The following GPR63 variants were observed in gnomAD, a reference collection of about 807,000 sequenced individuals.
GPR63 encodes the protein G protein-coupled receptor 63.
A neutral mutation model predicts 23.1 loss-of-function variants in GPR63; 12 were observed. That is an observed-to-expected ratio of 0.52 (90% CI 0.33 to 0.84). GPR63 has a LOEUF of 0.84. Among genes scored for constraint, GPR63 ranks in the 40% least tolerant of loss-of-function variants. The pLI is 0.02. For synonymous variants in GPR63, 172 were observed against 191.1 expected, an observed-to-expected ratio of 0.90 and a Z score of 0.82; for missense variants, 472 against 515.6, an observed-to-expected ratio of 0.92 and a Z score of 0.82.
At chr6:96,808,787 T>C (rs911741217) in intron 1 of GPR63, among the ~76,000 whole-genome samples, 1 of 152,138 alleles carries the variant, frequency 6.6e-6, no homozygotes, top group African/African-American at 2.4e-5. Context: ...ATTTTATTAT[T>C]ATGATACTTT....
intron 1 of GPR63, among the ~76,000 whole-genome samples, chr6:96,802,776 T>C (rs183896861): frequency 6.6e-6 from 1 of 151,980 alleles, no homozygotes; most frequent in Non-Finnish European, 1.5e-5. Flanking sequence ...TTTTAATGTT[T>C]TAAGGCAAAA....
intron 1 of GPR63, among the ~76,000 whole-genome samples, chr6:96,803,031 C>T (rs1254935720): frequency 1.3e-5 from 2 of 152,112 alleles, no homozygotes; most frequent in East Asian, 1.9e-4. Context: ...CATGAAAGCA[C>T]GTATCTCCAT....
Position 96,798,975 on chromosome 6 carries a change from T to A in GPR63, c.757A>T (p.Ile253Leu), listed in dbSNP as rs747740294. 1.2e-6 allele frequency: 2 copies of A among 1,614,020 alleles called. No homozygotes were observed. The change falls in exon 2 of 2, where the codon ATA (isoleucine) becomes TTA (leucine). Residue 253 changes from isoleucine (I) to leucine (L), a missense_variant. Physicochemically the swap from Ile to Leu is conservative, Grantham distance 5. Transcript: ENST00000229955. ...GAGTACAGTATTACCAGGAAGGGTATGAAGAAAGAAATGAGAGAAATCAAA... is the reference window on the plus strand; with the variant it reads ...GAGTACAGTATTACCAGGAAGGGTAAGAAGAAAGAAATGAGAGAAATCAAA... ...VILISLISFFIPFLVILYSFM... is the reference protein window; with the variant it reads ...VILISLISFFLPFLVILYSFM...
intron 1 of GPR63, among the ~76,000 whole-genome samples, chr6:96,811,832 C>T (rs1039003653): frequency 2.2e-5 from 3 of 136,866 alleles, no homozygotes; most frequent in African/African-American, 8.3e-5. Flanking sequence ...AACTTTATTT[C>T]ATTAAAAATA....
chr6:96,818,678 A>T (rs561495304), intron 1 of GPR63, among the ~76,000 whole-genome samples: 2 of 152,292 alleles, frequency 1.3e-5, no homozygotes, highest in African/African-American at 2.4e-5. Context: ...ATGTTTTGAA[A>T]TTTTTTTCAA....
intron 1 of GPR63, among the ~76,000 whole-genome samples, chr6:96,803,854 T>C (rs62413029): frequency 1.3e-5 from 2 of 152,242 alleles, no homozygotes; most frequent in Non-Finnish European, 2.9e-5. Flanking sequence ...ACAGGAGTCT[T>C]AATGTTAAAT....
intron 1 of GPR63, among the ~76,000 whole-genome samples, chr6:96,809,402 CATT>C (rs1773983001): frequency 6.6e-6 from 1 of 152,102 alleles, no homozygotes; most frequent in South Asian, 2.1e-4. Flanking sequence ...GAAAGAAACT[CATT>C]ATACAAAATT....
intron 1 of GPR63, among the ~76,000 whole-genome samples, chr6:96,810,755 G>C (rs1242541345): frequency 6.6e-6 from 1 of 152,168 alleles, no homozygotes; most frequent in Non-Finnish European, 1.5e-5. Context: ...TAGACAAACA[G>C]ACCAAACGGA....
At chr6:96,835,608 G>A (rs180768786) in intron 1 of GPR63, among the ~76,000 whole-genome samples, 2 of 152,228 alleles carry the variant, frequency 1.3e-5, no homozygotes, top group Admixed American at 6.5e-5. Flanking sequence ...TAACTACATA[G>A]GGGTTTTAGT....
intron 1 of GPR63, among the ~76,000 whole-genome samples, chr6:96,822,577 A>C (rs1363816423): frequency 6.6e-6 from 1 of 152,158 alleles, no homozygotes; most frequent in Non-Finnish European, 1.5e-5. Flanking sequence ...TACTATATAA[A>C]TCTTTGGCAT....
intron 1 of GPR63, among the ~76,000 whole-genome samples, chr6:96,813,411 T>G (rs1173734831): frequency 6.6e-6 from 1 of 152,196 alleles, no homozygotes; most frequent in Non-Finnish European, 1.5e-5. Flanking sequence ...TAGAGAAAAC[T>G]CCATACTGAC....
At position 96,796,768 on chromosome 6, in the gene GPR63, A is replaced by C. The variant is rs965413432; in HGVS notation, c.*1704T>G. ...CACAGATGGACAACTGGAAACCTCCAAACCCGCAGGGGCAAGACCTACACA... is the reference window on the plus strand; with the variant it reads ...CACAGATGGACAACTGGAAACCTCCCAACCCGCAGGGGCAAGACCTACACA... On this transcript the variant is annotated 3_prime_UTR_variant, in exon 2 of 2. Transcript: ENST00000229955. The C allele has an allele frequency of 9.9e-5, 15 of 152,174 alleles. No individual in the cohort carries two copies. Among genetic ancestry groups the C allele is most frequent in the African/African-American group, 3.6e-4 (15 of 41,496 alleles). 9.4% of individuals were successfully genotyped at this position (152,174 alleles called of 1,614,324 possible).
chr6:96,822,776 G>A (rs1163873874), intron 1 of GPR63, among the ~76,000 whole-genome samples: 1 of 152,150 alleles, frequency 6.6e-6, no homozygotes, highest in African/African-American at 2.4e-5. Flanking sequence ...TAAATACATG[G>A]TAACTACTGG....
chr6:96,826,197 A>C (rs1774434480), intron 1 of GPR63, among the ~76,000 whole-genome samples: 1 of 152,092 alleles, frequency 6.6e-6, no homozygotes. Flanking sequence ...AACTTTACCT[A>C]CTACCATTTT....
intron 1 of GPR63, among the ~76,000 whole-genome samples, chr6:96,809,247 T>G (rs1399607401): frequency 6.6e-6 from 1 of 152,170 alleles, no homozygotes; most frequent in Non-Finnish European, 1.5e-5. Flanking sequence ...AGGAGAATCC[T>G]GCTATCTTTG....
rs2127941736 is a variant in GPR63 at position 96,799,335 on chromosome 6, G to T, written c.397C>A (p.Leu133Met). The T allele has an allele frequency of 6.2e-7, 1 of 1,614,138 alleles. No individual in the cohort carries two copies. The highest frequency in any genetic ancestry group is 8.5e-7 in the Non-Finnish European group (1 of 1,180,018). Residue 133 changes from leucine to methionine, a missense_variant, in exon 2 of 2, where the codon CTG becomes ATG. Physicochemically the swap from Leu to Met is conservative, Grantham distance 15. Transcript: ENST00000229955. ...GTTACCAGGGCAAAGGGCATGTTCA[G>T]CACTGCAAGCAACATGTCTGCAAAA... Reference protein sequence around the residue: ...LAFADMLLAVLNMPFALVTIL... With the variant: ...LAFADMLLAVMNMPFALVTIL...
chr6:96,836,752 T>C (rs1299880563), intron 1 of GPR63, among the ~76,000 whole-genome samples: 4 of 152,054 alleles, frequency 2.6e-5, no homozygotes, highest in South Asian at 2.1e-4. Context: ...CTGAACCACA[T>C]GGAAGAGGGA....
chr6:96,820,669 AT>A (rs996653911), intron 1 of GPR63, among the ~76,000 whole-genome samples: 3 of 151,450 alleles, frequency 2.0e-5, no homozygotes, highest in African/African-American at 4.8e-5. Flanking sequence ...TTCCACGAGA[AT>A]TTTTTTTTCA....
intron 1 of GPR63, among the ~76,000 whole-genome samples, chr6:96,818,167 A>G (rs958882101): frequency 1.3e-5 from 2 of 151,980 alleles, no homozygotes; most frequent in African/African-American, 4.8e-5. Context: ...GCAAAAAGTT[A>G]AAAAAATTTC....
Sources: allele counts gnomAD v4.1 joint callset (sites outside exome capture counted in the v4.1 genomes callset), GRCh38; gene constraint gnomAD v4.1.1; transcripts MANE v1.5; gene names NCBI Gene and HGNC (gene_info 2026-07-23, HGNC 2026-07-21).